The following ADAMTSL3 variants were observed in gnomAD, a reference collection of about 807,000 sequenced individuals.
ADAMTSL3 encodes ADAMTS like 3.
In ADAMTSL3, 128 loss-of-function variants were observed where a neutral mutation model predicts 201.7. The ratio of observed to expected loss-of-function variants is 0.63; its 90% CI spans 0.55 to 0.73. The LOEUF (loss-of-function observed/expected upper bound fraction) is 0.73. Among genes scored for constraint, ADAMTSL3 ranks in the 30% least tolerant of loss-of-function variants. The pLI is 0.00. For missense variants in ADAMTSL3, 1,990 were observed against 2,119.6 expected (o/e 0.94, Z 1.20); for synonymous variants, 738 against 748.4 (o/e 0.99, Z 0.23).
At chr15:83,838,739 A>G (rs1205119066) in intron 7 of ADAMTSL3, among the ~76,000 whole-genome samples, 1 of 152,182 alleles carries the variant, frequency 6.6e-6, no homozygotes, top group Non-Finnish European at 1.5e-5. Context: ...ATTTTGTGTA[A>G]TTAGAGTTTC....
intron 7 of ADAMTSL3, among the ~76,000 whole-genome samples, chr15:83,845,912 G>A (rs2064488330): frequency 6.6e-6 from 1 of 152,150 alleles, no homozygotes; most frequent in Non-Finnish European, 1.5e-5. Context: ...TCATTGGTAT[G>A]TGAGCTCCTC....
intron 26 of ADAMTSL3, among the ~76,000 whole-genome samples, chr15:84,023,629 T>C (rs2068245529): frequency 6.6e-6 from 1 of 152,196 alleles, no homozygotes; most frequent in Non-Finnish European, 1.5e-5. Context: ...AGAAAGCTGT[T>C]TTATGGCATT....
At chr15:83,756,391 C>T (rs2062719621) in intron 3 of ADAMTSL3, among the ~76,000 whole-genome samples, 1 of 152,102 alleles carries the variant, frequency 6.6e-6, no homozygotes, top group South Asian at 2.1e-4. Flanking sequence ...TGGTGGCTGG[C>T]AAAGAGATTA....
At chr15:83,862,284 C>G (rs2141792413) in intron 8 of ADAMTSL3, 1 of 152,294 alleles carries the variant, frequency 6.6e-6, no homozygotes, top group South Asian at 2.1e-4. Flanking sequence ...CAAAGATACT[C>G]CTCGAGAAGA....
rs1225918146 is a variant in ADAMTSL3 at position 84,039,472 on chromosome 15, T to A, written c.*1666T>A. ...GGAGGACACACCAGCCCATTAGTTGTTAATCATCAATCACATCTGATTGTT... is the reference window on the plus strand; with the variant it reads ...GGAGGACACACCAGCCCATTAGTTGATAATCATCAATCACATCTGATTGTT... On this transcript the variant is annotated 3_prime_UTR_variant, in exon 30 of 30. Transcript: ENST00000286744. 3 of 152,672 alleles carry A rather than the reference T, an allele frequency of 2.0e-5. No homozygotes were observed. Among genetic ancestry groups the A allele is most frequent in the Non-Finnish European group, 4.4e-5 (3 of 68,042 alleles). The allele number at this position is 152,672 out of a possible 1,614,324, so 9.5% of individuals were successfully genotyped here.
intron 3 of ADAMTSL3, among the ~76,000 whole-genome samples, chr15:83,733,415 A>G (rs2062314630): frequency 6.6e-6 from 1 of 152,134 alleles, no homozygotes; most frequent in Admixed American, 6.6e-5. Flanking sequence ...CAAATTAGGT[A>G]CTGACCCTGT....
At chr15:83,904,030 C>T (rs2065788069) in intron 15 of ADAMTSL3, among the ~76,000 whole-genome samples, 1 of 151,316 alleles carries the variant, frequency 6.6e-6, no homozygotes, top group Admixed American at 6.6e-5. Flanking sequence ...TTCTGTCAGC[C>T]CCACCTGACT....
rs758222083 is a variant in ADAMTSL3, at chr15:83,897,938, C to T, written c.1548C>T (p.Cys516=). ...INHRGEHVGG[C]NPQLKLHIKE... is the part of the protein sequence containing the mutation. Reference sequence around the variant, plus strand: ...ACCGCGGAGAGCATGTTGGGGGCTGCAATCCACAACTGAAGTTACACATCA... The same window carrying T: ...ACCGCGGAGAGCATGTTGGGGGCTGTAATCCACAACTGAAGTTACACATCA... Residue 516 remains cysteine (C), a synonymous_variant, in exon 14 of 30, where the codon TGC becomes TGT. Transcript: ENST00000286744. 3 of 1,613,816 alleles carry T rather than the reference C, an allele frequency of 1.9e-6. No individual in the cohort carries two copies. The highest frequency in any genetic ancestry group is 1.7e-5 in the Admixed American group (1 of 59,982).
At position 84,036,844 on chromosome 15, in the gene ADAMTSL3, G is replaced by A. The variant is rs1420452376; in HGVS notation, c.4826G>A (p.Cys1609Tyr). 6.2e-7 allele frequency: 1 copy of A among 1,613,938 alleles called. No individual in the cohort carries two copies. ...TGGCACACAGGCCCTTGGAAGCCCT[G>A]TACAGCAGCCTGTGGCAGGGGTTTC... ...VCWHTGPWKP[C>Y]TAACGRGFQS... The change falls in exon 29 of 30, where the codon TGT (cysteine) becomes TAT (tyrosine). Residue 1609 changes from cysteine to tyrosine, a missense_variant. Transcript: ENST00000286744.
intron 4 of ADAMTSL3, among the ~76,000 whole-genome samples, chr15:83,803,972 G>C (rs1018757567): frequency 1.3e-5 from 2 of 152,026 alleles, no homozygotes; most frequent in Non-Finnish European, 2.9e-5. Context: ...GTGTAACCCC[G>C]TCTCTAATAA....
intron 26 of ADAMTSL3, among the ~76,000 whole-genome samples, chr15:84,024,832 A>T (rs911152932): frequency 3.3e-5 from 5 of 152,248 alleles, no homozygotes; most frequent in African/African-American, 1.2e-4. Context: ...GAATTATACA[A>T]GCTAACATGT....
chr15:83,837,878 TTAA>T (rs1206701471), intron 6 of ADAMTSL3, among the ~76,000 whole-genome samples: 1 of 142,386 alleles, frequency 7.0e-6, no homozygotes, highest in Non-Finnish European at 1.5e-5. Flanking sequence ...GCTTCAAATC[TTAA>T]TATTAATATT....
intron 16 of ADAMTSL3, among the ~76,000 whole-genome samples, chr15:83,913,584 C>G (rs1451281718): frequency 1.3e-5 from 2 of 151,100 alleles, no homozygotes; most frequent in Admixed American, 6.6e-5. Flanking sequence ...GGACTATATA[C>G]TAACCAAAAA....
At chr15:83,927,711 C>T (rs2141998810) in intron 17 of ADAMTSL3, among the ~76,000 whole-genome samples, 1 of 152,264 alleles carries the variant, frequency 6.6e-6, no homozygotes, top group South Asian at 2.1e-4. Flanking sequence ...AAATTGCATA[C>T]TACAACATAA....
At chr15:83,883,247 A>G (rs1485797224) in intron 9 of ADAMTSL3, among the ~76,000 whole-genome samples, 4 of 151,350 alleles carry the variant, frequency 2.6e-5, no homozygotes, top group African/African-American at 7.3e-5. Flanking sequence ...ATCTCGGCTC[A>G]TTGCAACCTC....
chr15:83,738,566 G>A (rs1053787990), intron 3 of ADAMTSL3, among the ~76,000 whole-genome samples: 6 of 152,116 alleles, frequency 3.9e-5, no homozygotes, highest in Non-Finnish European at 5.9e-5. Context: ...TAATTATAAA[G>A]TTGTTAAATT....
intron 28 of ADAMTSL3, among the ~76,000 whole-genome samples, chr15:84,033,200 A>G (rs1485505695): frequency 2.6e-5 from 4 of 151,972 alleles, no homozygotes; most frequent in African/African-American, 4.8e-5. Flanking sequence ...TCATCCATCC[A>G]TGCTCCTTTC....
At position 83,778,148 on chromosome 15, in the gene ADAMTSL3, G is replaced by A. The variant is rs1365441333; in HGVS notation, c.317+4498G>A. 2.6e-5 allele frequency among the ~76,000 whole-genome samples: 4 copies of A among 152,128 alleles called. No homozygotes were observed. In the East Asian group the frequency reaches 7.7e-4, roughly 29 times the overall value. On this transcript the variant is annotated intron_variant, in intron 4 of 29. Transcript: ENST00000286744. ...AAGAGACCAAATCCATGACTTACTG[G>A]TGTCCCTGAAAAAGAGGGGGATAAT...
chr15:83,904,352 C>T (rs1247733880), intron 15 of ADAMTSL3, among the ~76,000 whole-genome samples: 1 of 152,124 alleles, frequency 6.6e-6, no homozygotes, highest in African/African-American at 2.4e-5. Context: ...CGCAACATAT[C>T]TCAGCTTCCA....
Sources: allele counts gnomAD v4.1 joint callset (sites outside exome capture counted in the v4.1 genomes callset), GRCh38; gene constraint gnomAD v4.1.1; transcripts MANE v1.5; gene names NCBI Gene and HGNC (gene_info 2026-07-23, HGNC 2026-07-21).